The following SGCE variants were observed in gnomAD, a reference collection of about 807,000 sequenced individuals.
SGCE encodes epsilon-sarcoglycan.
SGCE carries 26 observed loss-of-function variants against 57.8 expected under a neutral mutation model. That is an observed-to-expected ratio of 0.45 (90% CI 0.33 to 0.62). The LOEUF (loss-of-function observed/expected upper bound fraction) is 0.62. SGCE is among the 20% of genes least tolerant of loss of function. SGCE has a pLI of 0.02. For synonymous variants in SGCE, 183 were observed against 189.5 expected (o/e 0.97, Z 0.28); for missense variants, 468 against 548.6 (o/e 0.85, Z 1.47).
At chr7:94,614,034 A>G (rs1268506849) in intron 5 of SGCE, among the ~76,000 whole-genome samples, 3 of 151,306 alleles carry the variant, frequency 2.0e-5, no homozygotes, top group Admixed American at 2.0e-4. Context: ...TGAAAACTTG[A>G]CAGGACTAAT....
At chr7:94,598,745 T>C (rs371462064) in intron 9 of SGCE, 30 bp downstream of exon 9, 1 of 1,438,524 alleles carries the variant, frequency 7.0e-7, no homozygotes, top group African/African-American at 1.4e-5. Flanking sequence ...ACATGCATAT[T>C]AATAATTATG....
At chr7:94,590,654 C>T (rs1797553732) in intron 9 of SGCE, 2 of 152,070 alleles carry the variant, frequency 1.3e-5, no homozygotes, top group African/African-American at 4.8e-5. Flanking sequence ...CACTGGGATT[C>T]CTCTTAATTG....
At chr7:94,614,024 T>C (rs1028466984) in intron 5 of SGCE, among the ~76,000 whole-genome samples, 1 of 148,670 alleles carries the variant, frequency 6.7e-6, no homozygotes, top group African/African-American at 2.5e-5. Context: ...AGGAAAACAT[T>C]GAAAACTTGA....
At chr7:94,651,672 A>G (rs1807889577) in intron 1 of SGCE, among the ~76,000 whole-genome samples, 1 of 152,246 alleles carries the variant, frequency 6.6e-6, no homozygotes, top group African/African-American at 2.4e-5. Flanking sequence ...AAGGGATACA[A>G]CATCAATGGA....
chr7:94,618,499 A>AGT, intron 5 of SGCE: 1 of 420,102 alleles, frequency 2.4e-6, no homozygotes. Flanking sequence ...TGGAAGGTAC[A>AGT]AAAGACTTAG....
intron 1 of SGCE, among the ~76,000 whole-genome samples, chr7:94,631,188 C>T (rs1390667364): frequency 1.3e-5 from 2 of 151,964 alleles, no homozygotes; most frequent in Non-Finnish European, 2.9e-5. Context: ...GTGGCATTTA[C>T]AGTACCCAAC....
intron 5 of SGCE, among the ~76,000 whole-genome samples, chr7:94,604,517 C>T (rs1799742002): frequency 6.6e-6 from 1 of 151,758 alleles, no homozygotes; most frequent in African/African-American, 2.4e-5. Flanking sequence ...AGCAAGTCAT[C>T]TGGTACGGGC....
chr7:94,640,386 T>G (rs149730843), intron 1 of SGCE, among the ~76,000 whole-genome samples: 4 of 152,320 alleles, frequency 2.6e-5, no homozygotes, highest in African/African-American at 9.6e-5. Context: ...ACATAGAAAG[T>G]GATCTGGAGC....
chr7:94,647,484 C>A (rs1000293459), intron 1 of SGCE, among the ~76,000 whole-genome samples: 1 of 152,300 alleles, frequency 6.6e-6, no homozygotes, highest in East Asian at 1.9e-4. Context: ...CCCCTCCAAC[C>A]TTTTCCTCAC....
chr7:94,628,350 C>T lies in SGCE; in HGVS notation c.242G>A (p.Ser81Asn), dbSNP rs1315365351. Reference sequence around the variant, plus strand: ...TGTATTAAATGTTATGGGATCATTACTAATCTCGCCTAGATAAGAAACAGA... The same window carrying T: ...TGTATTAAATGTTATGGGATCATTATTAATCTCGCCTAGATAAGAAACAGA... The part of the protein sequence containing the change: ...FPPYPKPGEI[S>N]NDPITFNTNL... Residue 81 changes from serine to asparagine, a missense_variant, in exon 3 of 11, where the codon AGT (serine) becomes AAT (asparagine). Ser to Asn is a conservative substitution (Grantham distance 46). Coordinates refer to ENST00000648936, the MANE Select transcript of SGCE (RefSeq NM_003919.3). 2.5e-6 allele frequency: 4 copies of T among 1,607,928 alleles called. No individual in the cohort carries two copies. The highest frequency in any genetic ancestry group is 2.6e-6 in the Non-Finnish European group (3 of 1,175,346).
chr7:94,617,504 A>C (rs538388197), intron 5 of SGCE: 1 of 152,344 alleles, frequency 6.6e-6, no homozygotes, highest in South Asian at 2.1e-4. Context: ...TTCAGGGAAG[A>C]TACCCCCATT....
chr7:94,598,687 AAC>A (rs932920592), intron 9 of SGCE, 86 bp downstream of exon 9: 1 of 966,320 alleles, frequency 1.0e-6, no homozygotes, highest in Non-Finnish European at 1.7e-6. Flanking sequence ...TAAACAAACA[AAC>A]ACAACAACAG....
intron 4 of SGCE, chr7:94,621,299 C>A (rs1226575786): frequency 6.6e-6 from 1 of 152,240 alleles, no homozygotes; most frequent in Admixed American, 6.5e-5. Context: ...GGGCCACTAA[C>A]CCTACACAAA....
At chr7:94,588,236 G>A (rs1424295149) in intron 10 of SGCE, 3 of 1,041,290 alleles carry the variant, frequency 2.9e-6, no homozygotes, top group African/African-American at 1.7e-5. Context: ...TTTTTAAAGC[G>A]GCTTTAAAAC....
At chr7:94,597,821 A>G (rs915758443) in intron 9 of SGCE, 4 of 152,370 alleles carry the variant, frequency 2.6e-5, no homozygotes, top group African/African-American at 9.7e-5. Flanking sequence ...AGCCTGGCCA[A>G]CATGGTGAAA....
chr7:94,618,266 C>T (rs752684596), intron 5 of SGCE: 1 of 157,408 alleles, frequency 6.4e-6, no homozygotes, highest in Admixed American at 6.4e-5. Context: ...CCAGTGTCAC[C>T]CAGCTTGTGA....
intron 3 of SGCE, 123 bp from the exon 4 acceptor site, chr7:94,623,520 C>G (rs542938256): frequency 2.9e-6 from 2 of 679,058 alleles, no homozygotes; most frequent in Non-Finnish European, 5.2e-6. Flanking sequence ...GATATACTTA[C>G]AAAATATTCC....
chr7:94,610,564 A>G (rs1369287445), intron 5 of SGCE, among the ~76,000 whole-genome samples: 2 of 152,208 alleles, frequency 1.3e-5, no homozygotes, highest in African/African-American at 4.8e-5. Context: ...AACTCTGAGA[A>G]GAAAACAGGT....
At chr7:94,602,935 A>G (rs954741389) in intron 6 of SGCE, among the ~76,000 whole-genome samples, 1 of 152,148 alleles carries the variant, frequency 6.6e-6, no homozygotes, top group Admixed American at 6.6e-5. Context: ...CTTTCCTTCC[A>G]AAGTGGGTTA....
Sources: gnomAD v4.1 joint callset for allele counts (sites outside exome capture counted in the v4.1 genomes callset) on GRCh38, gnomAD v4.1.1 for gene constraint, MANE v1.5 for transcripts, NCBI Gene and HGNC (gene_info 2026-07-23, HGNC 2026-07-21) for gene names.